Variants in EPS15L1 observed in about 807,000 individuals in gnomAD.
The protein encoded by EPS15L1 is epidermal growth factor receptor substrate 15-like 1.
EPS15L1 carries 43 observed loss-of-function variants against 117.1 expected under a neutral mutation model. The ratio of observed to expected loss-of-function variants is 0.37; its 90% confidence interval spans 0.29 to 0.47. EPS15L1 has a LOEUF of 0.47. Among genes scored for constraint, EPS15L1 ranks in the 20% least tolerant of loss-of-function variants. EPS15L1 has a pLI of 0.99. For missense variants in EPS15L1, 981 were observed against 1,164.0 expected, an observed-to-expected ratio of 0.84 and a Z score of 2.29; for synonymous variants, 459 against 470.5, an observed-to-expected ratio of 0.98 and a Z score of 0.32.
intron 21 of EPS15L1, among the ~76,000 whole-genome samples, chr19:16,379,183 T>A (rs2144712200): frequency 6.6e-6 from 1 of 152,232 alleles, no homozygotes; most frequent in Non-Finnish European, 1.5e-5. Flanking sequence ...CGGGCGCCTG[T>A]AGTCCCAACT....
intron 16 of EPS15L1, among the ~76,000 whole-genome samples, chr19:16,396,150 G>C (rs2092538585): frequency 6.6e-6 from 1 of 152,246 alleles, no homozygotes; most frequent in Admixed American, 6.5e-5. Flanking sequence ...GTATGAACTT[G>C]AGTGAATAAT....
At chr19:16,409,275 G>A (rs2092685242) in intron 13 of EPS15L1, among the ~76,000 whole-genome samples, 1 of 152,138 alleles carries the variant, frequency 6.6e-6, no homozygotes, top group East Asian at 1.9e-4. Flanking sequence ...ATGGTGCCAT[G>A]ACAACTAGAT....
At chr19:16,392,492 A>G in intron 18 of EPS15L1, 52 bp from the exon 19 acceptor site, 1 of 1,520,060 alleles carries the variant, frequency 6.6e-7, no homozygotes, top group Non-Finnish European at 9.1e-7. Flanking sequence ...GAAAGAACCC[A>G]GACATAAAAG....
chr19:16,453,002 G>A lies in EPS15L1; in HGVS notation c.34-10783C>T, dbSNP rs537179054. ...TTCTTAGTAGAGACGGGGTTTCACC[G>A]TGTTAGTCAGGATGGCCTCGATCTC... On this transcript the variant is annotated intron_variant, in intron 1 of 23. Coordinates refer to ENST00000455140, the MANE Select transcript of EPS15L1 (RefSeq NM_001258374.3). Among the ~76,000 whole-genome samples the A allele has an allele frequency of 2.0e-3, 300 of 151,662 alleles. 1 individual carries two copies. The highest frequency in any genetic ancestry group is 3.1e-3 in the Non-Finnish European group (210 of 67,890).
intron 13 of EPS15L1, among the ~76,000 whole-genome samples, chr19:16,409,463 G>C (rs1023451335): frequency 6.6e-6 from 1 of 152,260 alleles, no homozygotes; most frequent in African/African-American, 2.4e-5. Flanking sequence ...GACACCAAAA[G>C]CAACAGCAGC....
intron 19 of EPS15L1, among the ~76,000 whole-genome samples, chr19:16,388,654 C>T (rs886736439): frequency 2.0e-5 from 3 of 152,004 alleles, no homozygotes; most frequent in Non-Finnish European, 4.4e-5. Context: ...GGTCAAACCC[C>T]GTCTCTACTA....
chr19:16,369,511 T>TAAAAG (rs1247161829), intron 22 of EPS15L1, among the ~76,000 whole-genome samples: 1 of 152,046 alleles, frequency 6.6e-6, no homozygotes, highest in African/African-American at 2.4e-5. Flanking sequence ...ATCTTGCCAT[T>TAAAAG]AAAAGAAGAA....
rs541688861 is a variant in EPS15L1, at chr19:16,441,006, G to A, written c.166-97C>T. ...GCCACCACCCCATCACTGGCCTTGC[G>A]GGGCAGGAGTGACTGTCCCCAGGTT... is the stretch of plus-strand genomic sequence containing the variant. On this transcript the variant is annotated intron_variant, in intron 3 of 23. Transcript: ENST00000455140. The A allele has an allele frequency of 2.9e-4, 342 of 1,178,758 alleles. 4 individuals are homozygous for A. The highest frequency in any genetic ancestry group is 1.5e-3 in the South Asian group (120 of 82,138). The allele number at this position is 1,178,758 out of a possible 1,614,324, so 73.0% of individuals were successfully genotyped here. A position where few individuals can be genotyped will look rare whatever the true frequency, so the allele number is the denominator to read the frequency against.
At chr19:16,400,792 G>A (rs1270424240) in intron 16 of EPS15L1, 2 of 985,350 alleles carry the variant, frequency 2.0e-6, no homozygotes, top group East Asian at 2.3e-4. Flanking sequence ...TAACCAGAAA[G>A]GTAAAAATCT....
chr19:16,461,138 T>C (rs898423104), intron 1 of EPS15L1, among the ~76,000 whole-genome samples: 1 of 151,052 alleles, frequency 6.6e-6, no homozygotes, highest in Non-Finnish European at 1.5e-5. Flanking sequence ...ACCCCGTCTC[T>C]ACTAAAAATA....
chr19:16,364,547 AG>A (rs1168684471), intron 22 of EPS15L1, among the ~76,000 whole-genome samples: 2 of 152,138 alleles, frequency 1.3e-5, no homozygotes. Flanking sequence ...GCTGGCCTTG[AG>A]GAACTGCCTC....
chr19:16,461,319 A>AG (rs1555771297), intron 1 of EPS15L1, among the ~76,000 whole-genome samples: 48 of 143,188 alleles, frequency 3.4e-4, no homozygotes, highest in African/African-American at 1.1e-3. Flanking sequence ...AAAAAAAAAA[A>AG]AAAGAAAGAA....
At chr19:16,391,417 C>T (rs1254448402) in intron 19 of EPS15L1, among the ~76,000 whole-genome samples, 2 of 152,090 alleles carry the variant, frequency 1.3e-5, no homozygotes, top group East Asian at 3.9e-4. Context: ...TGAGTCTTTG[C>T]CTTCAAGGAG....
chr19:16,385,097 A>G (rs1599557416), intron 21 of EPS15L1, 32 bp downstream of exon 21: 10 of 1,569,026 alleles, frequency 6.4e-6, no homozygotes, highest in African/African-American at 1.4e-5. Flanking sequence ...AGACACTAGC[A>G]GAGGCGCGGG....
chr19:16,419,899 G>A (rs944155847), intron 10 of EPS15L1, among the ~76,000 whole-genome samples: 1 of 152,206 alleles, frequency 6.6e-6, no homozygotes, highest in African/African-American at 2.4e-5. Flanking sequence ...CTCTCAAGGA[G>A]TGTGGGCTCC....
chr19:16,375,331 G>A (rs1357696459), intron 22 of EPS15L1, among the ~76,000 whole-genome samples: 2 of 152,244 alleles, frequency 1.3e-5, no homozygotes, highest in East Asian at 1.9e-4. Context: ...GAGGATGTGT[G>A]TACACAGGGT....
At chr19:16,421,121 G>T (rs528810928) in intron 10 of EPS15L1, among the ~76,000 whole-genome samples, 198 bp downstream of exon 10, 2 of 152,266 alleles carry the variant, frequency 1.3e-5, no homozygotes, top group African/African-American at 4.8e-5. Context: ...TGAACTGACC[G>T]TCACGGAGCG....
At chr19:16,455,115 G>A (rs1371776317) in intron 1 of EPS15L1, among the ~76,000 whole-genome samples, 1 of 151,458 alleles carries the variant, frequency 6.6e-6, no homozygotes, top group African/African-American at 2.4e-5. Flanking sequence ...GGCAACAAGA[G>A]CGAAACTCCA....
chr19:16,380,941 G>A (rs1164738865), intron 21 of EPS15L1, among the ~76,000 whole-genome samples: 1 of 152,232 alleles, frequency 6.6e-6, no homozygotes, highest in Admixed American at 6.5e-5. Flanking sequence ...TAGTCCTAGA[G>A]TCGAGGTTGC....
Sources: allele counts gnomAD v4.1 joint callset (sites outside exome capture counted in the v4.1 genomes callset), GRCh38; gene constraint gnomAD v4.1.1; transcripts MANE v1.5; gene names NCBI Gene and HGNC (gene_info 2026-07-23, HGNC 2026-07-21).